The following FOXK1 variants were observed in gnomAD, a reference collection of about 807,000 sequenced individuals.
FOXK1 encodes the protein forkhead box protein K1.
FOXK1 carries 19 observed loss-of-function variants against 51.9 expected under a neutral mutation model. The ratio of observed to expected loss-of-function variants is 0.37; its 90% CI spans 0.26 to 0.54. FOXK1 has a LOEUF of 0.54. Among genes scored for constraint, FOXK1 ranks in the 20% least tolerant of loss-of-function variants. The pLI is 0.87. For synonymous variants in FOXK1, 537 were observed against 482.6 expected, an observed-to-expected ratio of 1.11 and a Z score of -1.48; for missense variants, 870 against 1,032.7, an observed-to-expected ratio of 0.84 and a Z score of 2.16.
At chr7:4,705,966 A>ATATATACGTG in intron 1 of FOXK1, among the ~76,000 whole-genome samples, 1 of 72,080 alleles carries the variant, frequency 1.4e-5, no homozygotes, top group East Asian at 2.4e-4. Flanking sequence ...ATATGTATAT[A>ATATATACGTG]TATATACGTA....
At chr7:4,740,789 T>A in intron 1 of FOXK1, 49 bp from the exon 2 acceptor site, 1 of 1,553,444 alleles carries the variant, frequency 6.4e-7, no homozygotes, top group East Asian at 2.5e-5. Context: ...TGTTGGCGTC[T>A]TCTTGAGTCT....
chr7:4,741,163 A>G, intron 2 of FOXK1, 140 bp downstream of exon 2: 1 of 575,340 alleles, frequency 1.7e-6, no homozygotes, highest in South Asian at 3.4e-5. Context: ...TTGTACGTCC[A>G]TCCGGGACCT....
chr7:4,740,167 A>G (rs922130151), intron 1 of FOXK1, among the ~76,000 whole-genome samples: 1 of 152,044 alleles, frequency 6.6e-6, no homozygotes, highest in Admixed American at 6.6e-5. Context: ...GCGGTGGCTC[A>G]CGCCTGTAAT....
Position 4,755,022 on chromosome 7 carries a change from T to C in FOXK1, c.904-215T>C. On this transcript the variant is annotated intron_variant, in intron 3 of 8. Coordinates refer to ENST00000328914, the MANE Select transcript of FOXK1 (RefSeq NM_001037165.2). This position sits in a 1 kb window ranked among gnomAD's most constrained non-coding sequence, Gnocchi z 6.6. ...GGTGAGAAATTTCAGAATTAAATTATAATAAAACCGAAGTTTTCCTTCCCA... is the reference window on the plus strand; with the variant it reads ...GGTGAGAAATTTCAGAATTAAATTACAATAAAACCGAAGTTTTCCTTCCCA... 3 of 597,030 alleles carry C rather than the reference T, an allele frequency of 5.0e-6. No individual in the cohort carries two copies. Among genetic ancestry groups the C allele is most frequent in the Non-Finnish European group, 8.7e-6 (3 of 344,354 alleles). 37.0% of individuals were successfully genotyped at this position (597,030 alleles called of 1,614,324 possible).
rs1780242390 is a variant in FOXK1, at chr7:4,716,969, TGTGGCTGGGAGGTG to T, written c.561-23856_561-23843del. Among the ~76,000 whole-genome samples the T allele has an allele frequency of 1.0e-4, 15 of 149,870 alleles. No homozygotes were observed. In the South Asian group the frequency reaches 3.2e-3, roughly 32 times the overall value. ...GTGGGAGGCGCATGGCTGGGAGGCG[TGTGGCTGGGAGGTG>T]GTGGCTGGGAGGCGCGTGGCTGGAA... On this transcript the variant is annotated intron_variant, in intron 1 of 8. Coordinates refer to ENST00000328914, the MANE Select transcript of FOXK1 (RefSeq NM_001037165.2).
chr7:4,718,428 A>G (rs928537709), intron 1 of FOXK1, among the ~76,000 whole-genome samples: 37 of 152,212 alleles, frequency 2.4e-4, no homozygotes, highest in African/African-American at 8.2e-4. Flanking sequence ...TGTGGGCCTC[A>G]GGAGTGGATT....
rs1261735651 is a variant in FOXK1 at position 4,743,336 on chromosome 7, T to C, written c.746+2313T>C. Among the ~76,000 whole-genome samples, 1 of 152,132 alleles carries C rather than the reference T, an allele frequency of 6.6e-6. No individual in the cohort carries two copies. Among genetic ancestry groups the C allele is most frequent in the East Asian group, 1.9e-4 (1 of 5,188 alleles). On this transcript the variant is annotated intron_variant, in intron 2 of 8. Transcript: ENST00000328914. The surrounding 1 kb of genome is among the most constrained non-coding windows in gnomAD (Gnocchi z 5.3). ...GGGAGGCCAAGGCGGGTGGATCACT[T>C]GAAGCCAGTTCGAGATCAGCCTGGG...
At chr7:4,713,162 A>G (rs2115042457) in intron 1 of FOXK1, among the ~76,000 whole-genome samples, 1 of 152,348 alleles carries the variant, frequency 6.6e-6, no homozygotes, top group Middle Eastern at 3.4e-3. Flanking sequence ...CTAGTTACTT[A>G]CATTTTGAAA....
rs114420212 is a variant in FOXK1, at chr7:4,684,623, G to C, written c.560+1755G>C. Among the ~76,000 whole-genome samples, 646 of 152,076 alleles carry C rather than the reference G, an allele frequency of 4.2e-3. 7 individuals are homozygous for C. Among genetic ancestry groups the C allele is most frequent in the African/African-American group, 0.015 (616 of 41,468 alleles). ...TTGGGGCCATTAAATGCATTTCCTG[G>C]CCACTCTCCCCTCCAGTAAGAAAAT... On this transcript the variant is annotated intron_variant, in intron 1 of 8. Coordinates refer to ENST00000328914, the MANE Select transcript of FOXK1 (RefSeq NM_001037165.2).
At chr7:4,760,381 C>T (rs1583213402) in intron 7 of FOXK1, among the ~76,000 whole-genome samples, 1 of 152,204 alleles carries the variant, frequency 6.6e-6, no homozygotes, top group East Asian at 1.9e-4. Flanking sequence ...CCCTCCTAGG[C>T]CACTCTCCAC....
chr7:4,752,054 G>A (rs1349955599), intron 2 of FOXK1, among the ~76,000 whole-genome samples: 1 of 152,182 alleles, frequency 6.6e-6, no homozygotes, highest in Non-Finnish European at 1.5e-5. Flanking sequence ...CCAGGCTCAA[G>A]CCATCTTCCT....
At position 4,718,249 on chromosome 7, in the gene FOXK1, G is replaced by A. The variant is rs139495578; in HGVS notation, c.561-22589G>A. ...TGGTTCCGTCATCTCATCCCGTGTGGCTCTGCGACCGCCACCTCGGTCACC... is the reference window on the plus strand; with the variant it reads ...TGGTTCCGTCATCTCATCCCGTGTGACTCTGCGACCGCCACCTCGGTCACC... On this transcript the variant is annotated intron_variant, in intron 1 of 8. Transcript: ENST00000328914. Among the ~76,000 whole-genome samples, 46 of 152,324 alleles carry A rather than the reference G, an allele frequency of 3.0e-4. 4 individuals carry two copies. Among genetic ancestry groups the A allele is most frequent in the African/African-American group, 1.1e-3 (46 of 41,568 alleles).
At chr7:4,685,269 A>G (rs1779804517) in intron 1 of FOXK1, among the ~76,000 whole-genome samples, 2 of 134,220 alleles carry the variant, frequency 1.5e-5, no homozygotes. Flanking sequence ...TCTGTTGTCC[A>G]GACTGGAGTG....
chr7:4,761,219 C>G lies in FOXK1; in HGVS notation c.1852C>G (p.Pro618Ala). ...TPVTLGQHHL[P>A]VRAVTQNGKH... ...CGTGACCCTCGGGCAGCACCACCTT[C>G]CAGTCCGGGCCGTGACCCAGAACGG... Residue 618 changes from proline to alanine, a missense_variant, in exon 8 of 9, where the codon CCA (proline) becomes GCA (alanine). Coordinates refer to ENST00000328914, the MANE Select transcript of FOXK1 (RefSeq NM_001037165.2). This position sits in a 1 kb window ranked among gnomAD's most constrained non-coding sequence, Gnocchi z 6.2. The G allele has an allele frequency of 6.2e-7, 1 of 1,613,214 alleles. No individual in the cohort carries two copies. The highest frequency in any genetic ancestry group is 8.5e-7 in the Non-Finnish European group (1 of 1,180,036).
intron 1 of FOXK1, among the ~76,000 whole-genome samples, chr7:4,716,984 G>T (rs1462234736): frequency 6.7e-6 from 1 of 150,290 alleles, no homozygotes; most frequent in Non-Finnish European, 1.5e-5. Flanking sequence ...CTGGGAGGTG[G>T]TGGCTGGGAG....
In FOXK1 at chr7:4,705,988, A is replaced by G. The variant is rs1446212806; in HGVS notation, c.560+23120A>G. Among the ~76,000 whole-genome samples, 4 of 105,156 alleles carry G rather than the reference A, an allele frequency of 3.8e-5. 1 individual carries two copies. Among genetic ancestry groups the G allele is most frequent in the African/African-American group, 1.6e-4 (3 of 18,482 alleles). The allele number at this position is 105,156 out of a possible 152,430, so 69.0% of individuals were successfully genotyped here. ...TATATATATACGTATATATACGTAT[A>G]TATACGTATATATACGTATATATAC... On this transcript the variant is annotated intron_variant, in intron 1 of 8. Coordinates refer to ENST00000328914, the MANE Select transcript of FOXK1 (RefSeq NM_001037165.2).
At position 4,722,210 on chromosome 7, in the gene FOXK1, C is replaced by T. The variant is rs868053927; in HGVS notation, c.561-18628C>T. Among the ~76,000 whole-genome samples, 1 of 152,208 alleles carries T rather than the reference C, an allele frequency of 6.6e-6. No homozygotes were observed. The highest frequency in any genetic ancestry group is 6.5e-5 in the Admixed American group (1 of 15,280). The stretch of plus-strand genomic sequence containing the variant: ...CAGCAGATGCTGGATTTCACGTCCA[C>T]GGCCGCCTGGAAATAAATGCCAGCA... On this transcript the variant is annotated intron_variant, in intron 1 of 8. Coordinates refer to ENST00000328914, the MANE Select transcript of FOXK1 (RefSeq NM_001037165.2). The surrounding 1 kb of genome is among the most constrained non-coding windows in gnomAD (Gnocchi z 5.1).
In FOXK1 at chr7:4,733,313, G is replaced by C. The variant is rs1000880152; in HGVS notation, c.561-7525G>C. ...CAGAGTGCTGGGATTATAGATGTAA[G>C]CCACCCTACCCAGCCACACATGACC... On this transcript the variant is annotated intron_variant, in intron 1 of 8. Coordinates refer to ENST00000328914, the MANE Select transcript of FOXK1 (RefSeq NM_001037165.2). This position sits in a 1 kb window ranked among gnomAD's most constrained non-coding sequence, Gnocchi z 5.0. Among the ~76,000 whole-genome samples, 23 of 152,182 alleles carry C rather than the reference G, an allele frequency of 1.5e-4. No individual in the cohort carries two copies. The highest frequency in any genetic ancestry group is 4.3e-4 in the African/African-American group (18 of 41,520).
At chr7:4,742,108 A>G (rs1780642054) in intron 2 of FOXK1, among the ~76,000 whole-genome samples, 1 of 152,258 alleles carries the variant, frequency 6.6e-6, no homozygotes, top group Admixed American at 6.5e-5. Context: ...GCTCCTCCGC[A>G]GCACCAGCAG....
Sources: gnomAD v4.1 joint callset for allele counts (sites outside exome capture counted in the v4.1 genomes callset) on GRCh38, gnomAD v4.1.1 for gene constraint, Gnocchi (gnomAD v3.1) non-coding constraint, MANE v1.5 for transcripts, NCBI Gene and HGNC (gene_info 2026-07-23, HGNC 2026-07-21) for gene names.